The following LAMA2 variants were observed in gnomAD, a reference collection of about 807,000 sequenced individuals.
LAMA2 encodes laminin subunit alpha-2.
LAMA2 carries 269 observed loss-of-function variants against 364.8 expected under a neutral mutation model. The ratio of observed to expected loss-of-function variants is 0.74; its 90% CI spans 0.67 to 0.82. The LOEUF is 0.82. LAMA2 is among the 40% of genes least tolerant of loss of function. The pLI is 0.00. For missense variants in LAMA2, 3,807 were observed against 3,873.2 expected (o/e 0.98, Z 0.45); for synonymous variants, 1,379 against 1,370.6 (o/e 1.01, Z -0.14).
chr6:129,149,487 A>G (rs1778668006), intron 7 of LAMA2, among the ~76,000 whole-genome samples: 1 of 152,132 alleles, frequency 6.6e-6, no homozygotes, highest in South Asian at 2.1e-4. Flanking sequence ...CATTTTTTTC[A>G]GCTCACTAAG....
chr6:128,921,689 G>T (rs1778725464), intron 1 of LAMA2, among the ~76,000 whole-genome samples: 1 of 139,220 alleles, frequency 7.2e-6, no homozygotes, highest in South Asian at 2.2e-4. Context: ...ACTGTGAAAT[G>T]AATGTCTGTT....
intron 12 of LAMA2, among the ~76,000 whole-genome samples, chr6:129,215,707 A>G (rs1160189252): frequency 6.6e-6 from 1 of 152,144 alleles, no homozygotes; most frequent in Non-Finnish European, 1.5e-5. Context: ...CACTTTATCT[A>G]TAAAATGGAG....
chr6:129,314,753 C>T lies in LAMA2; in HGVS notation c.3510C>T (p.Gly1170=). The change falls in exon 24 of 65, where the codon GGC becomes GGT. Residue 1170 remains glycine, a synonymous_variant. Coordinates refer to ENST00000421865, the MANE Select transcript of LAMA2 (RefSeq NM_000426.4). ...GCTGCAGCAGCTGCTATTGCTTCGGCACTACTACCCAGTGCTCTGAAGCAA... is the reference window on the plus strand; with the variant it reads ...GCTGCAGCAGCTGCTATTGCTTCGGTACTACTACCCAGTGCTCTGAAGCAA... ...PLGCSSCYCF[G]TTTQCSEAKG... 6.2e-7 allele frequency: 1 copy of T among 1,613,996 alleles called. No individual in the cohort carries two copies. Among genetic ancestry groups the T allele is most frequent in the Non-Finnish European group, 8.5e-7 (1 of 1,180,016 alleles).
intron 3 of LAMA2, 76 bp from the exon 4 acceptor site, chr6:129,098,097 T>G (rs756167092): frequency 2.7e-5 from 39 of 1,431,028 alleles, no homozygotes; most frequent in Admixed American, 6.7e-5. Flanking sequence ...TACTGTAGCA[T>G]TTAGACTTAT....
intron 37 of LAMA2, among the ~76,000 whole-genome samples, chr6:129,397,156 A>G (rs932615161): frequency 1.7e-4 from 26 of 152,262 alleles, no homozygotes; most frequent in South Asian, 1.0e-3. Context: ...AGATCTAATT[A>G]ATTACAAGTT....
chr6:129,178,044 C>A (rs952325908), intron 10 of LAMA2, among the ~76,000 whole-genome samples, 178 bp downstream of exon 10: 1 of 151,968 alleles, frequency 6.6e-6, no homozygotes, highest in Non-Finnish European at 1.5e-5. Context: ...AGGCACTTAT[C>A]TAAAAGCCTA....
chr6:129,313,729 A>T (rs1476776847), intron 23 of LAMA2, among the ~76,000 whole-genome samples: 1 of 152,206 alleles, frequency 6.6e-6, no homozygotes, highest in Non-Finnish European at 1.5e-5. Context: ...AAACTGTGTC[A>T]GAGGTATCTT....
intron 1 of LAMA2, chr6:128,929,043 C>A: frequency 1.4e-6 from 2 of 1,441,110 alleles, no homozygotes; most frequent in South Asian, 1.1e-5. Flanking sequence ...CCAATGGTAT[C>A]CTCTAGCTGT....
intron 1 of LAMA2, among the ~76,000 whole-genome samples, chr6:128,912,016 G>T (rs1289854002): frequency 6.6e-6 from 1 of 152,134 alleles, no homozygotes; most frequent in Non-Finnish European, 1.5e-5. Context: ...TTGAATGAAT[G>T]TACCTCCATT....
chr6:128,909,194 T>C (rs1453470690), intron 1 of LAMA2, among the ~76,000 whole-genome samples: 1 of 152,104 alleles, frequency 6.6e-6, no homozygotes, highest in Non-Finnish European at 1.5e-5. Flanking sequence ...GTATCCTTGT[T>C]GACTTTCTGT....
At chr6:129,022,095 G>A (rs570592176) in intron 1 of LAMA2, among the ~76,000 whole-genome samples, 52 of 152,304 alleles carry the variant, frequency 3.4e-4, no homozygotes, top group African/African-American at 1.3e-3. Flanking sequence ...ACATTACTGA[G>A]TGGTGAAGAC....
rs774774975 is a variant in LAMA2 at position 129,342,444 on chromosome 6, C to T, written c.4413C>T (p.Cys1471=). ...GLPNDCQQCA[C]PLISSSNNFS... ...CAAATGACTGTCAGCAATGTGCCTGCCCTCTGATTTCTTCCAGTAACAAGT... is the reference window on the plus strand; with the variant it reads ...CAAATGACTGTCAGCAATGTGCCTGTCCTCTGATTTCTTCCAGTAACAAGT... Residue 1471 remains cysteine, a synonymous_variant, in exon 30 of 65, where the codon TGC becomes TGT. Transcript: ENST00000421865. The T allele has an allele frequency of 1.4e-5, 23 of 1,613,164 alleles. No homozygotes were observed. The highest frequency in any genetic ancestry group is 1.9e-5 in the Non-Finnish European group (22 of 1,179,430).
intron 1 of LAMA2, among the ~76,000 whole-genome samples, chr6:128,926,655 G>T: frequency 6.6e-6 from 1 of 152,118 alleles, no homozygotes; most frequent in East Asian, 1.9e-4. Context: ...AGACACCATA[G>T]ACCACATTTT....
rs548503313 is a variant in LAMA2 at position 129,417,127 on chromosome 6, C to A, written c.5866-10625C>A. On this transcript the variant is annotated intron_variant, in intron 40 of 64. Coordinates refer to ENST00000421865, the MANE Select transcript of LAMA2 (RefSeq NM_000426.4). ...GTGAGCTGGGGAAGGGGGTGTGTTT[C>A]AACCCTGTTTGTGTTGTAGCTCTCT... is the stretch of plus-strand genomic sequence containing the variant. 5.3e-3 allele frequency among the ~76,000 whole-genome samples: 803 copies of A among 152,218 alleles called. 12 individuals carry two copies. Among genetic ancestry groups the A allele is most frequent in the East Asian group, 0.022 (113 of 5,172 alleles).
chr6:129,007,576 G>A (rs113541881), intron 1 of LAMA2, among the ~76,000 whole-genome samples: 256 of 152,210 alleles, frequency 1.7e-3, no homozygotes, highest in Middle Eastern at 3.4e-3. Flanking sequence ...AAGACATGTG[G>A]GCTCAAATAA....
chr6:129,507,569 CTTCCATG>C lies in LAMA2; in HGVS notation c.8787_8793del (p.Phe2929LeufsTer34). On this transcript the variant is annotated frameshift_variant, in exon 62 of 65. Transcript: ENST00000421865. LOFTEE classifies it high-confidence loss of function. Reference sequence around the variant, plus strand: ...CCGATCTGGAACAACCCACCTCCAGCTTCCATGTTGGGACATGTTTTGCAAATGCTCA... The same window carrying C: ...CCGATCTGGAACAACCCACCTCCAGCTTGGGACATGTTTTGCAAATGCTCA... The C allele has an allele frequency of 6.2e-7, 1 of 1,614,170 alleles. No homozygotes were observed. The highest frequency in any genetic ancestry group is 8.5e-7 in the Non-Finnish European group (1 of 1,179,980).
In LAMA2 at chr6:129,307,825, A is replaced by G. The variant is rs1773972493; in HGVS notation, c.3175-5036A>G. On this transcript the variant is annotated intron_variant, in intron 22 of 64. Transcript: ENST00000421865. ...GTTGTTCATTAAATTGAAGAGCAAT[A>G]ATAAGGGCATTTTTTTATGTTAGTG... Among the ~76,000 whole-genome samples, 4 of 152,366 alleles carry G rather than the reference A, an allele frequency of 2.6e-5. No individual in the cohort carries two copies. In the South Asian group the frequency reaches 8.3e-4, roughly 32 times the overall value.
chr6:129,366,439 A>G (rs1454062574), intron 33 of LAMA2, 78 bp downstream of exon 33: 36 of 1,504,070 alleles, frequency 2.4e-5, no homozygotes, highest in Non-Finnish European at 2.9e-5. Flanking sequence ...TGTAATTGGT[A>G]AATGTTCTTC....
intron 1 of LAMA2, among the ~76,000 whole-genome samples, chr6:128,926,162 A>G (rs1161640363): frequency 6.6e-6 from 1 of 151,532 alleles, no homozygotes; most frequent in Non-Finnish European, 1.5e-5. Context: ...TCTTTTTATC[A>G]CCTACATGGG....
Sources: gnomAD v4.1 joint callset for allele counts (sites outside exome capture counted in the v4.1 genomes callset) on GRCh38, gnomAD v4.1.1 for gene constraint, MANE v1.5 for transcripts, NCBI Gene and HGNC (gene_info 2026-07-23, HGNC 2026-07-21) for gene names.